The following PDE4D variants were observed in gnomAD, a reference collection of about 807,000 sequenced individuals.
PDE4D encodes the protein phosphodiesterase 4D.
In PDE4D, 24 loss-of-function variants were observed where a neutral mutation model predicts 87.4. The observed-to-expected ratio is 0.27, with a 90% CI of 0.20 to 0.39. The LOEUF is 0.39. Ranked by LOEUF, PDE4D falls within the 10% of genes least tolerant of loss-of-function variation. The pLI is 1.00. For missense variants in PDE4D, 714 were observed against 1,041.0 expected (o/e 0.69, Z 4.32); for synonymous variants, 384 against 383.2 (o/e 1.00, Z -0.02).
chr5:59,025,530 AT>A (rs1280433590), intron 6 of PDE4D, among the ~76,000 whole-genome samples: 3 of 152,216 alleles, frequency 2.0e-5, no homozygotes, highest in Non-Finnish European at 4.4e-5. Context: ...CTATAGTGAA[AT>A]ATCTGTTTTT....
intron 1 of PDE4D, among the ~76,000 whole-genome samples, chr5:59,249,738 AAAG>A (rs1282126718): frequency 6.6e-6 from 1 of 152,218 alleles, no homozygotes; most frequent in Non-Finnish European, 1.5e-5. Flanking sequence ...TTGCTTGGAA[AAAG>A]AATAGAAGAA....
At chr5:60,054,576 T>A (rs1222032912) in intron 2 of PDE4D, among the ~76,000 whole-genome samples, 5 of 152,104 alleles carry the variant, frequency 3.3e-5, no homozygotes, top group Non-Finnish European at 7.4e-5. Context: ...AAATACCTAA[T>A]GTAGATGATG....
intron 1 of PDE4D, among the ~76,000 whole-genome samples, chr5:59,875,425 C>T (rs918570464): frequency 6.0e-5 from 8 of 133,520 alleles, no homozygotes; most frequent in African/African-American, 2.4e-4. Context: ...TGCGCCACTG[C>T]ACTCCAGCCT....
chr5:60,283,132 G>A (rs918590003), intron 1 of PDE4D, among the ~76,000 whole-genome samples: 2 of 151,992 alleles, frequency 1.3e-5, no homozygotes, highest in African/African-American at 2.4e-5. Flanking sequence ...ATTATGAGCA[G>A]TATGTACTAT....
intron 1 of PDE4D, among the ~76,000 whole-genome samples, chr5:60,230,754 C>T (rs1426248050): frequency 1.3e-5 from 2 of 152,088 alleles, no homozygotes; most frequent in East Asian, 3.9e-4. Flanking sequence ...GTCTCAACCA[C>T]TATTTTGTTT....
chr5:60,400,941 T>C (rs1426166385), intron 1 of PDE4D, among the ~76,000 whole-genome samples: 1 of 152,154 alleles, frequency 6.6e-6, no homozygotes, highest in African/African-American at 2.4e-5. Context: ...AATTTCTTCA[T>C]TTAATTCTGC....
chr5:60,033,489 T>A (rs1429720642), intron 2 of PDE4D, among the ~76,000 whole-genome samples: 4 of 152,206 alleles, frequency 2.6e-5, no homozygotes, highest in African/African-American at 9.6e-5. Flanking sequence ...TTTTATTTTA[T>A]CCATTTTTTG....
chr5:59,969,869 C>A (rs1760505543), intron 3 of PDE4D, among the ~76,000 whole-genome samples: 1 of 152,138 alleles, frequency 6.6e-6, no homozygotes, highest in East Asian at 1.9e-4. Context: ...AAACCTCTTT[C>A]TTTTGTAAAT....
At chr5:60,402,108 A>G (rs959396961) in intron 1 of PDE4D, among the ~76,000 whole-genome samples, 1 of 152,214 alleles carries the variant, frequency 6.6e-6, no homozygotes, top group Non-Finnish European at 1.5e-5. Context: ...CTCAGAGTAG[A>G]TGGGGCCACT....
intron 1 of PDE4D, among the ~76,000 whole-genome samples, chr5:59,438,084 C>G (rs1459051863): frequency 1.3e-5 from 2 of 152,146 alleles, no homozygotes; most frequent in Non-Finnish European, 2.9e-5. Flanking sequence ...ATTCAGTTAC[C>G]TCCCACCGGG....
intron 3 of PDE4D, among the ~76,000 whole-genome samples, chr5:59,946,680 AAT>A (rs1423019156): frequency 3.9e-5 from 6 of 152,206 alleles, no homozygotes; most frequent in Admixed American, 2.6e-4. Context: ...TATTTTGCAG[AAT>A]ATGTTTTCAG....
At chr5:59,771,522 G>GAAAGAA (rs1763555022) in intron 1 of PDE4D, among the ~76,000 whole-genome samples, 1 of 145,064 alleles carries the variant, frequency 6.9e-6, no homozygotes, top group African/African-American at 2.7e-5. Flanking sequence ...AAGAAAGAAA[G>GAAAGAA]AAAGAAAGAA....
chr5:59,220,285 G>A (rs1295621634), intron 1 of PDE4D, among the ~76,000 whole-genome samples: 8 of 149,794 alleles, frequency 5.3e-5, no homozygotes, highest in South Asian at 2.1e-4. Flanking sequence ...AGAGGCACAC[G>A]TGGGAGGATC....
intron 1 of PDE4D, among the ~76,000 whole-genome samples, chr5:59,577,303 G>A (rs1823335465): frequency 6.6e-6 from 1 of 152,086 alleles, no homozygotes; most frequent in African/African-American, 2.4e-5. Context: ...TTGTGGAGAA[G>A]GAATTAAGCA....
At chr5:60,440,317 A>G (rs1250951088) in intron 1 of PDE4D, among the ~76,000 whole-genome samples, 1 of 152,140 alleles carries the variant, frequency 6.6e-6, no homozygotes, top group African/African-American at 2.4e-5. Flanking sequence ...TGTTTGGAGA[A>G]CTTTCCTTGT....
At chr5:59,330,104 C>T (rs577353133) in intron 1 of PDE4D, among the ~76,000 whole-genome samples, 60 of 152,230 alleles carry the variant, frequency 3.9e-4, no homozygotes, top group African/African-American at 1.4e-3. Flanking sequence ...ATATGTTCAT[C>T]ACGTTAATTA....
At chr5:59,796,892 A>C (rs1050621820) in intron 1 of PDE4D, among the ~76,000 whole-genome samples, 1 of 152,162 alleles carries the variant, frequency 6.6e-6, no homozygotes. Flanking sequence ...TTATGTACAA[A>C]GTGATTCTTT....
intron 1 of PDE4D, among the ~76,000 whole-genome samples, chr5:59,710,614 ATAT>A (rs61298529): frequency 0.067 from 10,145 of 152,148 alleles, 1,040 homozygotes; most frequent in African/African-American, 0.22. Context: ...AAACAGTCTG[ATAT>A]TATATTTCAC....
At chr5:59,703,551 A>C in intron 1 of PDE4D, 1 of 533,868 alleles carries the variant, frequency 1.9e-6, no homozygotes, top group South Asian at 1.4e-5. Context: ...TTCCCTTTGC[A>C]TATTGAAGGG....
Sources: allele counts gnomAD v4.1 joint callset (sites outside exome capture counted in the v4.1 genomes callset), GRCh38; gene constraint gnomAD v4.1.1; transcripts MANE v1.5; gene names NCBI Gene and HGNC (gene_info 2026-07-23, HGNC 2026-07-21).